PTPRT: variants seen among roughly 807,000 people sequenced by gnomAD.
PTPRT encodes the protein receptor-type tyrosine-protein phosphatase T.
In PTPRT, 56 loss-of-function variants were observed where a neutral mutation model predicts 176.8. The ratio of observed to expected loss-of-function variants is 0.32; its 90% CI spans 0.26 to 0.40. The LOEUF is 0.40. Among genes scored for constraint, PTPRT ranks in the 10% least tolerant of loss-of-function variants. The probability of loss-of-function intolerance (pLI) is 1.00; values close to 1 mark genes in which losing one functional copy is unlikely to be tolerated. For synonymous variants in PTPRT, 783 were observed against 739.0 expected, an observed-to-expected ratio of 1.06 and a Z score of -0.96; for missense variants, 1,540 against 1,908.2, an observed-to-expected ratio of 0.81 and a Z score of 3.60.
At chr20:42,787,750 T>C (rs1441786068) in intron 3 of PTPRT, among the ~76,000 whole-genome samples, 2 of 152,200 alleles carry the variant, frequency 1.3e-5, no homozygotes, top group Non-Finnish European at 2.9e-5. Flanking sequence ...CTTAGTATTA[T>C]AAAAAGTAAT....
intron 7 of PTPRT, among the ~76,000 whole-genome samples, chr20:42,557,970 T>C (rs1315153878): frequency 6.6e-6 from 1 of 152,242 alleles, no homozygotes; most frequent in African/African-American, 2.4e-5. Flanking sequence ...TAGTTAGTAT[T>C]GTCACTGTTG....
chr20:42,254,471 A>G (rs2056603510), intron 13 of PTPRT, among the ~76,000 whole-genome samples: 1 of 152,190 alleles, frequency 6.6e-6, no homozygotes, highest in South Asian at 2.1e-4. Flanking sequence ...TTGAAGGTAC[A>G]TCACTCTGAA....
chr20:42,787,721 T>C (rs2077312026), intron 3 of PTPRT, among the ~76,000 whole-genome samples: 1 of 152,216 alleles, frequency 6.6e-6, no homozygotes, highest in South Asian at 2.1e-4. Context: ...CCAAAAGCTC[T>C]GAAAACAACG....
chr20:42,605,164 C>A (rs749114741), intron 7 of PTPRT, among the ~76,000 whole-genome samples: 12 of 152,204 alleles, frequency 7.9e-5, no homozygotes, highest in Non-Finnish European at 1.6e-4. Flanking sequence ...CATTCAGAAT[C>A]CAGTTAGACC....
intron 11 of PTPRT, among the ~76,000 whole-genome samples, chr20:42,335,155 A>C (rs1231989647): frequency 6.6e-6 from 1 of 152,234 alleles, no homozygotes; most frequent in Non-Finnish European, 1.5e-5. Context: ...TGGAGTAGTC[A>C]AGTGTGGACA....
At chr20:42,314,571 T>C (rs1221288925) in intron 12 of PTPRT, among the ~76,000 whole-genome samples, 2 of 139,124 alleles carry the variant, frequency 1.4e-5, no homozygotes, top group Non-Finnish European at 3.2e-5. Flanking sequence ...AGAAAAGAAA[T>C]ATGAAAATAT....
At chr20:42,436,046 G>C (rs763718631) in intron 9 of PTPRT, among the ~76,000 whole-genome samples, 1 of 152,246 alleles carries the variant, frequency 6.6e-6, no homozygotes, top group Admixed American at 6.5e-5. Context: ...GTTTATCAAT[G>C]TAATAAAAAA....
intron 13 of PTPRT, among the ~76,000 whole-genome samples, chr20:42,264,829 T>C (rs982946417): frequency 6.6e-6 from 1 of 152,212 alleles, no homozygotes; most frequent in African/African-American, 2.4e-5. Context: ...GCACTTTAGG[T>C]GCCCCAGGCC....
chr20:42,947,955 C>T (rs189113021), intron 1 of PTPRT, among the ~76,000 whole-genome samples: 3 of 152,264 alleles, frequency 2.0e-5, no homozygotes, highest in Non-Finnish European at 4.4e-5. Flanking sequence ...CAGTGCCTGG[C>T]ACACAGTAGG....
chr20:43,075,851 T>G (rs946304079), intron 1 of PTPRT, among the ~76,000 whole-genome samples: 1 of 152,364 alleles, frequency 6.6e-6, no homozygotes, highest in Admixed American at 6.5e-5. Context: ...CTAAAGCTTT[T>G]GCATAAAGTA....
At position 42,221,005 on chromosome 20, in the gene PTPRT, T is replaced by A. The variant is rs114949269; in HGVS notation, c.2342+15224A>T. ...GTTGGTAGAGTTTTTTTGTTTTCTG[T>A]TTTTTGATTTTTGAGATGGAGTCTC... is the stretch of plus-strand genomic sequence containing the variant. On this transcript the variant is annotated intron_variant, in intron 15 of 30. Coordinates refer to ENST00000373187, the MANE Select transcript of PTPRT (RefSeq NM_007050.6). Among the ~76,000 whole-genome samples the A allele has an allele frequency of 7.6e-3, 1,159 of 152,272 alleles. 14 individuals carry two copies. Among genetic ancestry groups the A allele is most frequent in the Middle Eastern group, 0.017 (5 of 294 alleles).
At chr20:42,774,116 A>G (rs1243004943) in intron 4 of PTPRT, among the ~76,000 whole-genome samples, 1 of 152,190 alleles carries the variant, frequency 6.6e-6, no homozygotes, top group East Asian at 1.9e-4. Context: ...AAATACTGGC[A>G]ATTTACAGCA....
At chr20:42,783,490 A>C (rs1261252284) in intron 3 of PTPRT, among the ~76,000 whole-genome samples, 1 of 152,206 alleles carries the variant, frequency 6.6e-6, no homozygotes, top group Non-Finnish European at 1.5e-5. Flanking sequence ...GTGTAAAATG[A>C]CACTGAGTAT....
chr20:43,102,394 C>G (rs1442719286), intron 1 of PTPRT, among the ~76,000 whole-genome samples: 1 of 151,820 alleles, frequency 6.6e-6, no homozygotes, highest in African/African-American at 2.4e-5. Flanking sequence ...AAATATTCAG[C>G]TGACCTAATT....
intron 1 of PTPRT, among the ~76,000 whole-genome samples, chr20:42,995,890 C>A: frequency 6.6e-6 from 1 of 151,954 alleles, no homozygotes; most frequent in East Asian, 1.9e-4. Flanking sequence ...GGTCATAGCT[C>A]ACTGCAGCCT....
At chr20:42,833,120 T>A (rs1368250628) in intron 2 of PTPRT, among the ~76,000 whole-genome samples, 1 of 151,490 alleles carries the variant, frequency 6.6e-6, no homozygotes, top group Non-Finnish European at 1.5e-5. Flanking sequence ...GAGAGAAAAC[T>A]GAGAATATGT....
At chr20:42,162,236 A>G (rs1381817150) in intron 16 of PTPRT, among the ~76,000 whole-genome samples, 1 of 152,168 alleles carries the variant, frequency 6.6e-6, no homozygotes, top group Non-Finnish European at 1.5e-5. Flanking sequence ...CACTTTGCAG[A>G]TAGGGAAGCC....
chr20:43,008,467 C>A (rs1258726791), intron 1 of PTPRT, among the ~76,000 whole-genome samples: 1 of 152,130 alleles, frequency 6.6e-6, no homozygotes, highest in South Asian at 2.1e-4. Flanking sequence ...GAGGGCCTTG[C>A]CTGACTTGTG....
In PTPRT at chr20:43,132,036, C is replaced by T. The variant is rs544934256; in HGVS notation, c.88+57610G>A. On this transcript the variant is annotated intron_variant, in intron 1 of 30. Coordinates refer to ENST00000373187, the MANE Select transcript of PTPRT (RefSeq NM_007050.6). ...CACACACACACACACACAGTCACAA[C>T]CATGCCACAAAATAATCAGCACAGT... is the stretch of plus-strand genomic sequence containing the variant. 2.0e-5 allele frequency among the ~76,000 whole-genome samples: 3 copies of T among 151,940 alleles called. No individual in the cohort carries two copies. In the South Asian group the frequency reaches 6.2e-4, roughly 32 times the overall value.
Sources: gnomAD v4.1 joint callset for allele counts (sites outside exome capture counted in the v4.1 genomes callset) on GRCh38, gnomAD v4.1.1 for gene constraint, MANE v1.5 for transcripts, NCBI Gene and HGNC (gene_info 2026-07-23, HGNC 2026-07-21) for gene names.